PHLPP1: variants seen among roughly 807,000 people sequenced by gnomAD.
PHLPP1 encodes the protein PH domain leucine-rich repeat-containing protein phosphatase 1.
Under a neutral mutation model 117.2 loss-of-function variants are expected in PHLPP1, and 42 were observed. The ratio of observed to expected loss-of-function variants is 0.36; its 90% CI spans 0.28 to 0.46. The LOEUF (loss-of-function observed/expected upper bound fraction) is 0.46. Ranked by LOEUF, PHLPP1 falls within the 20% of genes least tolerant of loss-of-function variation. The pLI is 1.00. For synonymous variants in PHLPP1, 1,042 were observed against 970.7 expected (o/e 1.07, Z -1.37); for missense variants, 2,084 against 2,241.9 (o/e 0.93, Z 1.42).
chr18:62,852,224 T>G (rs1915373010), intron 3 of PHLPP1, among the ~76,000 whole-genome samples: 2 of 152,120 alleles, frequency 1.3e-5, no homozygotes, highest in Admixed American at 6.5e-5. Context: ...ATTTAACCAT[T>G]TAAGAAAAAG....
chr18:62,740,804 CG>C lies in PHLPP1; in HGVS notation c.1576+23546del, dbSNP rs1911502764. Among the ~76,000 whole-genome samples, 5 of 152,074 alleles carry C rather than the reference CG, an allele frequency of 3.3e-5. No homozygotes were observed. In the South Asian group the frequency reaches 1.0e-3, roughly 32 times the overall value. On this transcript the variant is annotated intron_variant, in intron 1 of 16. Coordinates refer to ENST00000262719, the MANE Select transcript of PHLPP1 (RefSeq NM_194449.4). ...CTGGCCAACATGGTGAGACCCCATA[CG>C]TACTAAAAATACAAAAACTAGCCAG...
chr18:62,808,547 G>GT (rs1555673585), intron 1 of PHLPP1, among the ~76,000 whole-genome samples: 32 of 142,442 alleles, frequency 2.2e-4, no homozygotes, highest in East Asian at 1.4e-3. Context: ...TCATCTCTCT[G>GT]TTTTTTTTTG....
rs111966438 is a variant in PHLPP1, at chr18:62,821,516, T to C, written c.1577-8519T>C. Among the ~76,000 whole-genome samples the C allele has an allele frequency of 8.5e-3, 1,081 of 126,726 alleles. 18 individuals are homozygous for C. Among genetic ancestry groups the C allele is most frequent in the African/African-American group, 0.032 (1,032 of 32,122 alleles). The allele number at this position is 126,726 out of a possible 152,430, so 83.1% of individuals were successfully genotyped here. A position where few individuals can be genotyped will look rare whatever the true frequency, so the allele number is the denominator to read the frequency against. On this transcript the variant is annotated intron_variant, in intron 1 of 16. Transcript: ENST00000262719. ...GTGAGCCGAGATCGCATCAGTATAC[T>C]GCAGCCTGGGTGACAGAGTGAGACC...
chr18:62,878,197 A>G (rs1404992373), intron 4 of PHLPP1, among the ~76,000 whole-genome samples: 2 of 152,198 alleles, frequency 1.3e-5, no homozygotes, highest in Non-Finnish European at 2.9e-5. Flanking sequence ...CACAGCTCCT[A>G]GTGCATAGTA....
chr18:62,844,556 G>T (rs943208581), intron 3 of PHLPP1, among the ~76,000 whole-genome samples: 3 of 152,122 alleles, frequency 2.0e-5, no homozygotes, highest in Admixed American at 6.5e-5. Flanking sequence ...TGGGCTATCG[G>T]TATGCTCCCT....
At chr18:62,913,248 T>TAA (rs1291039307) in intron 8 of PHLPP1, among the ~76,000 whole-genome samples, 1 of 152,032 alleles carries the variant, frequency 6.6e-6, no homozygotes, top group Non-Finnish European at 1.5e-5. Flanking sequence ...TTGTTTTTAC[T>TAA]AAAGAATACT....
intron 9 of PHLPP1, among the ~76,000 whole-genome samples, chr18:62,918,435 T>TATATATATATATAC (rs1210330920): frequency 2.0e-5 from 3 of 149,742 alleles, no homozygotes; most frequent in South Asian, 4.2e-4. Context: ...GATAAATATA[T>TATATATATATATAC]ATATATATAT....
At chr18:62,861,406 G>T (rs938486865) in intron 4 of PHLPP1, among the ~76,000 whole-genome samples, 2 of 152,170 alleles carry the variant, frequency 1.3e-5, no homozygotes, top group Non-Finnish European at 2.9e-5. Flanking sequence ...GCCTGGCCTA[G>T]AATCTGCTCA....
At chr18:62,957,251 CCT>C (rs1157565408) in intron 12 of PHLPP1, among the ~76,000 whole-genome samples, 3 of 152,122 alleles carry the variant, frequency 2.0e-5, no homozygotes, top group African/African-American at 7.2e-5. Context: ...AAGGGCAGCC[CCT>C]CTTTTTACAG....
chr18:62,914,317 T>C (rs1248750161), intron 8 of PHLPP1, among the ~76,000 whole-genome samples: 1 of 152,210 alleles, frequency 6.6e-6, no homozygotes, highest in African/African-American at 2.4e-5. Context: ...TAACACATAT[T>C]CTCCCTGAAC....
Position 62,825,109 on chromosome 18 carries a change from C to T in PHLPP1, c.1577-4926C>T, listed in dbSNP as rs576200958. Among the ~76,000 whole-genome samples, 47 of 152,034 alleles carry T rather than the reference C, an allele frequency of 3.1e-4. 2 individuals are homozygous for T. The South Asian group carries it at 8.5e-3, about 28-fold the overall frequency. ...GAGTAGCTAGGACTATGGGCGCCTG[C>T]CACCACGCCTGAATAATTTTTGTAT... is the stretch of plus-strand genomic sequence containing the variant. On this transcript the variant is annotated intron_variant, in intron 1 of 16. Coordinates refer to ENST00000262719, the MANE Select transcript of PHLPP1 (RefSeq NM_194449.4).
At chr18:62,890,809 T>C (rs1039077604) in intron 4 of PHLPP1, among the ~76,000 whole-genome samples, 5 of 152,220 alleles carry the variant, frequency 3.3e-5, no homozygotes, top group Non-Finnish European at 2.9e-5. Context: ...TGCTCTATTA[T>C]GTTGGATAAT....
At chr18:62,741,830 G>A (rs2122074574) in intron 1 of PHLPP1, among the ~76,000 whole-genome samples, 1 of 151,466 alleles carries the variant, frequency 6.6e-6, no homozygotes, top group African/African-American at 2.4e-5. Context: ...CCCTGAGGTA[G>A]GAAGCCCGGC....
At chr18:62,776,034 A>G (rs969665856) in intron 1 of PHLPP1, among the ~76,000 whole-genome samples, 2 of 152,094 alleles carry the variant, frequency 1.3e-5, no homozygotes, top group Non-Finnish European at 2.9e-5. Flanking sequence ...ATGTCTATAC[A>G]TAGGCATAGA....
chr18:62,857,517 C>CA (rs1915529347), intron 3 of PHLPP1, among the ~76,000 whole-genome samples: 1 of 152,188 alleles, frequency 6.6e-6, no homozygotes, highest in Non-Finnish European at 1.5e-5. Flanking sequence ...ATAGGACACT[C>CA]AGATTGCTCA....
At chr18:62,813,831 G>T (rs6567297) in intron 1 of PHLPP1, among the ~76,000 whole-genome samples, 30,747 of 151,906 alleles carry the variant, frequency 0.2, 4,426 homozygotes, top group African/African-American at 0.41. Flanking sequence ...GCATTTTAAT[G>T]TATTATTTCC....
chr18:62,802,132 G>A (rs1326712564), intron 1 of PHLPP1, among the ~76,000 whole-genome samples: 2 of 152,138 alleles, frequency 1.3e-5, no homozygotes, highest in African/African-American at 2.4e-5. Context: ...ATGAGGATAC[G>A]AGCTACCCCT....
intron 1 of PHLPP1, among the ~76,000 whole-genome samples, chr18:62,793,232 A>C (rs1046780201): frequency 6.6e-6 from 1 of 152,162 alleles, no homozygotes; most frequent in Non-Finnish European, 1.5e-5. Flanking sequence ...TGTAGATTGC[A>C]GGGGGGTGCT....
In PHLPP1 at chr18:62,975,604, G is replaced by A; in HGVS notation, c.3963G>A (p.Gln1321=). The change falls in exon 16 of 17, where the codon CAG becomes CAA. Residue 1321 remains glutamine, a synonymous_variant. Coordinates refer to ENST00000262719, the MANE Select transcript of PHLPP1 (RefSeq NM_194449.4). The part of the protein sequence containing the change: ...SCEEELKRIK[Q]HKAIITEDGK... ...AAGAAGAGCTGAAGAGGATTAAACA[G>A]CACAAGGCCATTATCACTGAGGTGA... 6.2e-7 allele frequency: 1 copy of A among 1,611,404 alleles called. No homozygotes were observed.
Sources: gnomAD v4.1 joint callset for allele counts (sites outside exome capture counted in the v4.1 genomes callset) on GRCh38, gnomAD v4.1.1 for gene constraint, MANE v1.5 for transcripts, NCBI Gene and HGNC (gene_info 2026-07-23, HGNC 2026-07-21) for gene names.